BMPR2: variants seen among roughly 807,000 people sequenced by gnomAD.
BMPR2 encodes the protein bone morphogenetic protein receptor type 2, also known as bone morphogenetic protein receptor type-2.
In BMPR2, 29 loss-of-function variants were observed where a neutral mutation model predicts 100.8. That is an observed-to-expected ratio of 0.29 (90% CI 0.21 to 0.39). The LOEUF (loss-of-function observed/expected upper bound fraction) is 0.39, where lower values mean the gene tolerates loss of function less well. Ranked by LOEUF, BMPR2 falls within the 10% of genes least tolerant of loss-of-function variation. The pLI is 1.00. For missense variants in BMPR2, 1,011 were observed against 1,274.5 expected (o/e 0.79, Z 3.15); for synonymous variants, 382 against 442.3 (o/e 0.86, Z 1.71).
intron 1 of BMPR2, among the ~76,000 whole-genome samples, chr2:202,385,730 T>G (rs905481884): frequency 4.4e-4 from 5 of 11,494 alleles, no homozygotes; most frequent in Admixed American, 8.1e-4. Context: ...ATTATATCTG[T>G]TTTTTTTACA....
chr2:202,565,966 G>A lies in BMPR2; in HGVS notation c.*6020G>A, dbSNP rs1688753839. On this transcript the variant is annotated 3_prime_UTR_variant, in exon 13 of 13. Coordinates refer to ENST00000374580, the MANE Select transcript of BMPR2 (RefSeq NM_001204.7). ...ATCGTATCTTTAAAAGTCCAATTCT[G>A]TTATTACTGTGATGTTTGTAGTGTT... 6.6e-6 allele frequency: 1 copy of A among 152,078 alleles called. No individual in the cohort carries two copies. Among genetic ancestry groups the A allele is most frequent in the Admixed American group, 6.5e-5 (1 of 15,278 alleles). 9.4% of individuals were successfully genotyped at this position (152,078 alleles called of 1,614,324 possible). A position where few individuals can be genotyped will look rare whatever the true frequency, so the allele number is the denominator to read the frequency against.
intron 1 of BMPR2, among the ~76,000 whole-genome samples, chr2:202,416,551 A>G (rs1490822192): frequency 3.4e-5 from 5 of 148,702 alleles, no homozygotes; most frequent in Non-Finnish European, 7.4e-5. Context: ...TCAGCCTCCC[A>G]AGTAGCTGGG....
At chr2:202,465,521 GA>G (rs1469377004) in intron 2 of BMPR2, among the ~76,000 whole-genome samples, 1 of 152,014 alleles carries the variant, frequency 6.6e-6, no homozygotes, top group Non-Finnish European at 1.5e-5. Context: ...AATATATAGA[GA>G]ACTACAAAGA....
At chr2:202,447,689 A>C (rs1691880307) in intron 1 of BMPR2, among the ~76,000 whole-genome samples, 1 of 150,814 alleles carries the variant, frequency 6.6e-6, no homozygotes, top group Admixed American at 6.6e-5. Context: ...CACATACACA[A>C]GAAGAGAGAA....
chr2:202,479,730 T>C (rs1452932060), intron 3 of BMPR2, among the ~76,000 whole-genome samples: 2 of 152,164 alleles, frequency 1.3e-5, no homozygotes, highest in Admixed American at 1.3e-4. Flanking sequence ...TTATTTTCTT[T>C]TCATTTCCAA....
At chr2:202,401,715 A>G (rs1431640537) in intron 1 of BMPR2, among the ~76,000 whole-genome samples, 2 of 152,210 alleles carry the variant, frequency 1.3e-5, no homozygotes, top group Non-Finnish European at 2.9e-5. Context: ...TTTAACAAAT[A>G]TAGTGGACAA....
At chr2:202,424,678 A>G (rs1023692025) in intron 1 of BMPR2, among the ~76,000 whole-genome samples, 5 of 152,138 alleles carry the variant, frequency 3.3e-5, no homozygotes, top group Admixed American at 3.3e-4. Context: ...CCTGGGCGAC[A>G]GAGCGACACT....
chr2:202,404,217 A>C (rs944842843), intron 1 of BMPR2, among the ~76,000 whole-genome samples: 1 of 135,452 alleles, frequency 7.4e-6, no homozygotes, highest in East Asian at 2.1e-4. Flanking sequence ...TTTGAGATGG[A>C]GTCTTACTCT....
intron 3 of BMPR2, among the ~76,000 whole-genome samples, chr2:202,494,869 G>T (rs1574477046): frequency 1.3e-5 from 2 of 152,196 alleles, no homozygotes; most frequent in Admixed American, 6.5e-5. Flanking sequence ...CAGAGGCTTG[G>T]AAAGTTTTTA....
intron 1 of BMPR2, among the ~76,000 whole-genome samples, chr2:202,392,924 G>A (rs1266642682): frequency 6.6e-6 from 1 of 151,318 alleles, no homozygotes; most frequent in African/African-American, 2.4e-5. Flanking sequence ...CCCAGGAGGC[G>A]GAGGTTGCGG....
chr2:202,397,724 T>G (rs1437586995), intron 1 of BMPR2, among the ~76,000 whole-genome samples: 1 of 151,584 alleles, frequency 6.6e-6, no homozygotes, highest in Non-Finnish European at 1.5e-5. Context: ...AGCTTCGAAC[T>G]TCTAAGCTCA....
intron 1 of BMPR2, among the ~76,000 whole-genome samples, chr2:202,393,882 C>CGAGAGCGAGAGAGAGA (rs1212615683): frequency 2.1e-4 from 21 of 97,912 alleles, no homozygotes; most frequent in African/African-American, 6.8e-4. Flanking sequence ...AATGAGAGAG[C>CGAGAGCGAGAGAGAGA]GAGAGAGAGA....
Position 202,415,308 on chromosome 2 carries a change from A to G in BMPR2, c.76+37758A>G, listed in dbSNP as rs186594089. 3.1e-3 allele frequency among the ~76,000 whole-genome samples: 478 copies of G among 152,136 alleles called. 2 individuals carry two copies. The highest frequency in any genetic ancestry group is 0.011 in the African/African-American group (463 of 41,514). Reference sequence around the variant, plus strand: ...AACATGGAGAAACCCTGTCTCTACTAAAAATACAAAAAATTAGCTGAGTGT... The same window carrying G: ...AACATGGAGAAACCCTGTCTCTACTGAAAATACAAAAAATTAGCTGAGTGT... On this transcript the variant is annotated intron_variant, in intron 1 of 12. Transcript: ENST00000374580.
chr2:202,471,783 A>C (rs1692443492), intron 3 of BMPR2, among the ~76,000 whole-genome samples: 1 of 152,184 alleles, frequency 6.6e-6, no homozygotes, highest in African/African-American at 2.4e-5. Flanking sequence ...ATGTTGTTTC[A>C]ATGTTAAATG....
chr2:202,443,526 C>A (rs1212453086), intron 1 of BMPR2, among the ~76,000 whole-genome samples: 4 of 149,620 alleles, frequency 2.7e-5, no homozygotes, highest in Non-Finnish European at 5.9e-5. Context: ...TCTTTCCTTT[C>A]TTTCTCTCTC....
intron 1 of BMPR2, among the ~76,000 whole-genome samples, chr2:202,419,588 C>A (rs1321469746): frequency 1.3e-5 from 2 of 152,078 alleles, no homozygotes; most frequent in African/African-American, 4.8e-5. Flanking sequence ...AACTCCTGAC[C>A]TTGTAATCCA....
chr2:202,445,912 C>CTACA (rs1350323350), intron 1 of BMPR2, among the ~76,000 whole-genome samples: 2 of 148,876 alleles, frequency 1.3e-5, no homozygotes, highest in African/African-American at 5.1e-5. Flanking sequence ...GTAGCTGAGA[C>CTACA]TACAGGCGCC....
In BMPR2 at chr2:202,562,323, A is replaced by G. The variant is rs1003935389; in HGVS notation, c.*2377A>G. ...AAAATGCTTTAAAAATTAATATGCC[A>G]GATTAAAATAACTGAATAGTTTACT... On this transcript the variant is annotated 3_prime_UTR_variant, in exon 13 of 13. Coordinates refer to ENST00000374580, the MANE Select transcript of BMPR2 (RefSeq NM_001204.7). 5 of 152,642 alleles carry G rather than the reference A, an allele frequency of 3.3e-5. No individual in the cohort carries two copies. Among genetic ancestry groups the G allele is most frequent in the African/African-American group, 4.8e-5 (2 of 41,466 alleles). 9.5% of individuals were successfully genotyped at this position (152,642 alleles called of 1,614,324 possible).
At position 202,556,195 on chromosome 2, in the gene BMPR2, C is replaced by G. The variant is rs1375906152; in HGVS notation, c.2530C>G (p.Gln844Glu). 1.2e-6 allele frequency: 2 copies of G among 1,611,410 alleles called. No individual in the cohort carries two copies. The highest frequency in any genetic ancestry group is 1.7e-5 in the Admixed American group (1 of 59,928). Residue 844 changes from glutamine to glutamate, a missense_variant, in exon 12 of 13, where the codon CAA becomes GAA. Around this residue, in one of 6 missense-constraint regions of BMPR2, gnomAD observed 508 missense variants for 552.0 expected, o/e 0.92. Coordinates refer to ENST00000374580, the MANE Select transcript of BMPR2 (RefSeq NM_001204.7). ...QTTNIVTHRA[Q>E]EMLQNQFIGE... is the part of the protein sequence containing the mutation. ...AACCAACATAGTGACACATAGGGCC[C>G]AAGAAATGTTGCAGAATCAGTTTAT... is the stretch of plus-strand genomic sequence containing the variant.
Sources: allele counts gnomAD v4.1 joint callset (sites outside exome capture counted in the v4.1 genomes callset), GRCh38; gene constraint gnomAD v4.1.1; regional missense constraint gnomAD v4.1.1; transcripts MANE v1.5; gene names NCBI Gene and HGNC (gene_info 2026-07-23, HGNC 2026-07-21).